Variants in PPFIBP1 observed in about 807,000 individuals in gnomAD.
PPFIBP1 encodes liprin-beta-1.
In PPFIBP1, 112 loss-of-function variants were observed where a neutral mutation model predicts 137.8. The observed-to-expected ratio is 0.81, with a 90% CI of 0.70 to 0.95. PPFIBP1 has a LOEUF of 0.95. Among genes scored for constraint, PPFIBP1 ranks in the 40% least tolerant of loss-of-function variants. The pLI is 0.00. For missense variants in PPFIBP1, 1,083 were observed against 1,196.6 expected (o/e 0.91, Z 1.40); for synonymous variants, 378 against 417.3 (o/e 0.91, Z 1.15).
chr12:27,602,203 T>C (rs1331810183), intron 2 of PPFIBP1, among the ~76,000 whole-genome samples: 1 of 152,162 alleles, frequency 6.6e-6, no homozygotes, highest in Non-Finnish European at 1.5e-5. Flanking sequence ...GGTGACTAAA[T>C]TTCCTCCAAA....
chr12:27,633,741 A>G (rs2057423189), intron 3 of PPFIBP1, among the ~76,000 whole-genome samples: 1 of 151,886 alleles, frequency 6.6e-6, no homozygotes, highest in African/African-American at 2.4e-5. Flanking sequence ...TCTGTGGACC[A>G]TACTTTGAGG....
intron 1 of PPFIBP1, among the ~76,000 whole-genome samples, chr12:27,533,581 TAAAAGCC>T (rs1441046163): frequency 3.9e-5 from 6 of 152,158 alleles, no homozygotes. Flanking sequence ...CTTGGGGTGT[TAAAAGCC>T]AGTATGAACT....
intron 2 of PPFIBP1, among the ~76,000 whole-genome samples, chr12:27,584,693 A>G (rs2051513066): frequency 6.6e-6 from 1 of 152,274 alleles, no homozygotes; most frequent in Non-Finnish European, 1.5e-5. Context: ...GTTTTTAAAT[A>G]GGCTCTTGTG....
At chr12:27,630,653 G>A (rs73082273) in intron 2 of PPFIBP1, among the ~76,000 whole-genome samples, 19,362 of 151,996 alleles carry the variant, frequency 0.13, 1,301 homozygotes, top group African/African-American at 0.14. Flanking sequence ...GTAGCTTTAG[G>A]GGTACAAGTG....
chr12:27,577,937 G>A (rs184758203), intron 1 of PPFIBP1, among the ~76,000 whole-genome samples: 16 of 152,290 alleles, frequency 1.1e-4, no homozygotes, highest in African/African-American at 3.8e-4. Context: ...GAGGAAGGAA[G>A]GGAGAGAAGG....
intron 1 of PPFIBP1, among the ~76,000 whole-genome samples, chr12:27,564,235 T>G (rs2049441801): frequency 6.6e-6 from 1 of 152,232 alleles, no homozygotes; most frequent in Non-Finnish European, 1.5e-5. Context: ...CTTTGAACTT[T>G]TGGTCTTTCT....
At chr12:27,532,233 T>C (rs1944494982) in intron 1 of PPFIBP1, among the ~76,000 whole-genome samples, 1 of 152,250 alleles carries the variant, frequency 6.6e-6, no homozygotes, top group African/African-American at 2.4e-5. Context: ...ATACAGGAGA[T>C]GGGGGCAGAA....
intron 6 of PPFIBP1, chr12:27,648,079 T>C (rs1211236467): frequency 1.6e-5 from 8 of 487,478 alleles, no homozygotes; most frequent in Non-Finnish European, 2.6e-5. Flanking sequence ...TATTTTAATT[T>C]TCTTTTTTTG....
chr12:27,650,839 A>G (rs574889913), intron 7 of PPFIBP1, among the ~76,000 whole-genome samples: 3 of 152,288 alleles, frequency 2.0e-5, no homozygotes, highest in African/African-American at 7.2e-5. Context: ...TTTGATGGAG[A>G]CAGAGAGCAT....
intron 13 of PPFIBP1, 83 bp from the exon 14 acceptor site, chr12:27,671,348 A>T: frequency 1.3e-6 from 1 of 757,744 alleles, no homozygotes; most frequent in Non-Finnish European, 2.1e-6. Flanking sequence ...TAGACCGTTT[A>T]ATTTTCTTAT....
intron 24 of PPFIBP1, among the ~76,000 whole-genome samples, chr12:27,683,726 T>C (rs558066151): frequency 9.2e-5 from 14 of 152,358 alleles, no homozygotes; most frequent in African/African-American, 3.4e-4. Flanking sequence ...TTAGGTTCCA[T>C]ACCACTATTA....
intron 21 of PPFIBP1, among the ~76,000 whole-genome samples, chr12:27,680,780 T>A (rs1320839395): frequency 2.6e-5 from 4 of 152,150 alleles, no homozygotes; most frequent in African/African-American, 9.7e-5. Context: ...GAGGGTGGGG[T>A]TGGCAAACAT....
At chr12:27,644,244 GTTTT>G (rs3842650) in intron 4 of PPFIBP1, among the ~76,000 whole-genome samples, 9 of 117,740 alleles carry the variant, frequency 7.6e-5, no homozygotes, top group African/African-American at 2.6e-4. Flanking sequence ...GCTTGGCTAA[GTTTT>G]TTTTTTTTTT....
chr12:27,572,455 A>T (rs2050226994), intron 1 of PPFIBP1, among the ~76,000 whole-genome samples: 1 of 152,222 alleles, frequency 6.6e-6, no homozygotes, highest in South Asian at 2.1e-4. Context: ...TTGAATTAGG[A>T]TTTTACTGTG....
chr12:27,532,307 A>T (rs926780651), intron 1 of PPFIBP1, among the ~76,000 whole-genome samples: 1 of 152,200 alleles, frequency 6.6e-6, no homozygotes, highest in African/African-American at 2.4e-5. Context: ...TTTAGCTGTT[A>T]AAAAGATTGA....
At chr12:27,542,328 A>G (rs1042771016) in intron 1 of PPFIBP1, among the ~76,000 whole-genome samples, 2 of 152,244 alleles carry the variant, frequency 1.3e-5, no homozygotes, top group Non-Finnish European at 2.9e-5. Context: ...GAACTTTAGC[A>G]TCTGCGGATT....
chr12:27,664,592 T>C (rs7135567), intron 12 of PPFIBP1, 146 bp downstream of exon 12: 76,216 of 630,446 alleles, frequency 0.12, 6,000 homozygotes, highest in South Asian at 0.27. Flanking sequence ...TAGGCAACTG[T>C]ACTCTGCCAG....
At chr12:27,610,971 C>T (rs990936773) in intron 2 of PPFIBP1, among the ~76,000 whole-genome samples, 1 of 151,894 alleles carries the variant, frequency 6.6e-6, no homozygotes. Context: ...AACAACCACA[C>T]GTGCACAATT....
intron 2 of PPFIBP1, among the ~76,000 whole-genome samples, chr12:27,597,959 C>A (rs996094882): frequency 6.6e-6 from 1 of 152,088 alleles, no homozygotes; most frequent in Non-Finnish European, 1.5e-5. Flanking sequence ...GCATGTGCCA[C>A]CACACCCGGC....
Sources: allele counts gnomAD v4.1 joint callset (sites outside exome capture counted in the v4.1 genomes callset), GRCh38; gene constraint gnomAD v4.1.1; transcripts MANE v1.5; gene names NCBI Gene and HGNC (gene_info 2026-07-23, HGNC 2026-07-21).